The following RIF1 variants were observed in gnomAD, a reference collection of about 807,000 sequenced individuals.
RIF1 encodes replication timing regulatory factor 1, also known as telomere-associated protein RIF1.
Under a neutral mutation model 247.1 loss-of-function variants are expected in RIF1, and 45 were observed. The observed-to-expected ratio is 0.18, with a 90% CI of 0.14 to 0.23. The LOEUF is 0.23. Ranked by LOEUF, RIF1 falls within the 10% of genes least tolerant of loss-of-function variation. RIF1 has a pLI of 1.00. For synonymous variants in RIF1, 1,087 were observed against 978.8 expected, an observed-to-expected ratio of 1.11 and a Z score of -2.06; for missense variants, 2,967 against 2,862.5, an observed-to-expected ratio of 1.04 and a Z score of -0.83.
the RIF1 span, among the ~76,000 whole-genome samples, chr2:151,520,866 AAAAT>A: frequency 1.5e-5 from 2 of 133,030 alleles, no homozygotes; most frequent in East Asian, 1.9e-4. Context: ...CCTGTCTCAC[AAAAT>A]AAATAAGAGG....
At chr2:151,461,316 G>A (rs201028450) in intron 27 of RIF1, 27 bp downstream of exon 27, 11 of 1,602,134 alleles carry the variant, frequency 6.9e-6, no homozygotes, top group African/African-American at 1.3e-5. Flanking sequence ...TCTTGAGTTG[G>A]GTATTTGGTA....
chr2:151,411,144 T>C, intron 2 of RIF1, 116 bp from the exon 3 acceptor site: 1 of 664,084 alleles, frequency 1.5e-6, no homozygotes, highest in Non-Finnish European at 2.7e-6. Flanking sequence ...ACCTACTGGG[T>C]CAATTCATTT....
intron 25 of RIF1, among the ~76,000 whole-genome samples, chr2:151,459,183 A>C (rs1695722251): frequency 6.6e-6 from 1 of 152,190 alleles, no homozygotes; most frequent in African/African-American, 2.4e-5. Flanking sequence ...TGCTTTGGAA[A>C]AACTGGAAAT....
At chr2:151,412,190 CCTGA>C (rs1686355202) in intron 3 of RIF1, among the ~76,000 whole-genome samples, 1 of 152,084 alleles carries the variant, frequency 6.6e-6, no homozygotes, top group Non-Finnish European at 1.5e-5. Flanking sequence ...TTAATGGCTT[CCTGA>C]CTATCCTTAA....
At position 151,493,866 on chromosome 2, in the gene RIF1, A is replaced by T. The variant is rs2058367552; in HGVS notation, c.*416-1363A>T. 1 of 1,539,592 alleles carries T rather than the reference A, an allele frequency of 6.5e-7. No homozygotes were observed. On this transcript the variant is annotated intron_variant and NMD_transcript_variant, in intron 9 of 13. Coordinates refer to the RIF1 transcript ENST00000454583. ...TTTCCCCAGGTTCTCTTTGTATAAC[A>T]CCTGTGAGATACAAAGTCATGCCCG...
At chr2:151,519,335 G>A in the RIF1 span, among the ~76,000 whole-genome samples, 1 of 152,164 alleles carries the variant, frequency 6.6e-6, no homozygotes, top group East Asian at 1.9e-4. Context: ...AACATGGATG[G>A]ACCTTGAACA....
At position 151,465,093 on chromosome 2, in the gene RIF1, A is replaced by G; in HGVS notation, c.5573A>G (p.Asn1858Ser). 1 of 1,602,998 alleles carries G rather than the reference A, an allele frequency of 6.2e-7. No homozygotes were observed. Among genetic ancestry groups the G allele is most frequent in the Non-Finnish European group, 8.5e-7 (1 of 1,177,464 alleles). Residue 1858 changes from asparagine to serine, a missense_variant, in exon 30 of 36, where the codon AAT becomes AGT. Asn to Ser is a conservative substitution (Grantham distance 46). This residue lies in a region of RIF1 where 2,028 missense variants were observed against 1,825.6 expected (regional missense o/e 1.11). Transcript: ENST00000444746. ...SLESQESPNE[N>S]FKTVGPCLGD... ...GAAAGCCAGGAGTCACCTAATGAAA[A>G]TTTTAAAACTGTTGGCCCGTGTTTA... is the stretch of plus-strand genomic sequence containing the variant.
chr2:151,442,097 C>T (rs1385487813), intron 16 of RIF1, 106 bp downstream of exon 16: 3 of 63,180 alleles, frequency 4.7e-5, no homozygotes, highest in African/African-American at 1.3e-4. Context: ...ATTTTTGAGA[C>T]GGAGTTTTGC....
At chr2:151,437,688 T>TA (rs1691493461) in intron 13 of RIF1, among the ~76,000 whole-genome samples, 1 of 152,172 alleles carries the variant, frequency 6.6e-6, no homozygotes, top group Admixed American at 6.6e-5. Flanking sequence ...AAGACTCTAT[T>TA]AAAAAATAAA....
In RIF1 at chr2:151,456,770, T is replaced by C; in HGVS notation, c.2652+150T>C. ...TCCTGGAGACAGCATTTTGCTCTTG[T>C]CACCCAAGCTGGAGTGCAGTGGCAG... On this transcript the variant is annotated intron_variant, in intron 23 of 35. Transcript: ENST00000444746. 1.2e-5 allele frequency: 6 copies of C among 511,878 alleles called. No individual in the cohort carries two copies. In the South Asian group the frequency reaches 1.6e-4, roughly 14 times the overall value. 31.7% of individuals were successfully genotyped at this position (511,878 alleles called of 1,614,324 possible).
At position 151,463,385 on chromosome 2, in the gene RIF1, C is replaced by A; in HGVS notation, c.3865C>A (p.Arg1289=). Residue 1289 remains arginine (R), a synonymous_variant, in exon 30 of 36, where the codon CGG becomes AGG. Transcript: ENST00000444746. ...AGTGAATGGAACTAAGAGATCAAGC[C>A]GGAGAGCTGGTAAAGCTGAACAAAC... ...KIVNGTKRSS[R]RAGKAEQTGN... The A allele has an allele frequency of 6.2e-7, 1 of 1,613,878 alleles. No homozygotes were observed. The highest frequency in any genetic ancestry group is 1.1e-5 in the South Asian group (1 of 91,040).
intron 3 of RIF1, among the ~76,000 whole-genome samples, chr2:151,414,574 AG>A (rs1232621888): frequency 2.0e-5 from 3 of 152,292 alleles, no homozygotes; most frequent in East Asian, 3.9e-4. Flanking sequence ...TTGCTTTCAT[AG>A]GTGTAGAGAT....
At position 151,465,824 on chromosome 2, in the gene RIF1, CAAATG is replaced by C; in HGVS notation, c.6305_6309del (p.Gln2102ArgfsTer5). The C allele has an allele frequency of 6.2e-7, 1 of 1,613,038 alleles. No individual in the cohort carries two copies. Among genetic ancestry groups the C allele is most frequent in the Non-Finnish European group, 8.5e-7 (1 of 1,179,110 alleles). On this transcript the variant is annotated frameshift_variant, in exon 30 of 36. Coordinates refer to ENST00000444746, the MANE Select transcript of RIF1 (RefSeq NM_018151.5). LOFTEE classifies it high-confidence loss of function. The stretch of plus-strand genomic sequence containing the variant: ...ATCTGAAGAAAAATTAGATAACAAT[CAAATG>C]GTAATGGAAAGTGATATTTTACAGG...
chr2:151,519,829 A>G, the RIF1 span: 1 of 1,121,422 alleles, frequency 8.9e-7, no homozygotes, highest in Non-Finnish European at 1.4e-6. Flanking sequence ...GGAATTGGGG[A>G]ATAGTAGAAA....
In RIF1 at chr2:151,465,715, C is replaced by G. The variant is rs1324033767; in HGVS notation, c.6195C>G (p.Asn2065Lys). Residue 2065 changes from asparagine to lysine, a missense_variant, in exon 30 of 36, where the codon AAC becomes AAG. Around this residue, in one of 7 missense-constraint regions of RIF1, gnomAD observed 2,028 missense variants for 1,825.6 expected, o/e 1.11. Coordinates refer to ENST00000444746, the MANE Select transcript of RIF1 (RefSeq NM_018151.5). Reference protein sequence around the residue: ...ETNMLTAEMDNFVCDTVEMST... With the variant: ...ETNMLTAEMDKFVCDTVEMST... ...ACATGTTGACTGCAGAAATGGACAA[C>G]TTTGTTTGTGACACAGTTGAAATGA... 1 of 1,614,172 alleles carries G rather than the reference C, an allele frequency of 6.2e-7. No individual in the cohort carries two copies. Among genetic ancestry groups the G allele is most frequent in the South Asian group, 1.1e-5 (1 of 91,084 alleles).
intron 9 of RIF1, among the ~76,000 whole-genome samples, chr2:151,488,381 T>A (rs1462612706): frequency 6.6e-6 from 1 of 151,648 alleles, no homozygotes; most frequent in Non-Finnish European, 1.5e-5. Flanking sequence ...GCTGAGTGGC[T>A]GATGCCTGTA....
chr2:151,450,355 A>C (rs946534616), intron 20 of RIF1, among the ~76,000 whole-genome samples: 4 of 152,142 alleles, frequency 2.6e-5, no homozygotes, highest in African/African-American at 9.7e-5. Context: ...TTTATTTATA[A>C]GACACTTGGG....
chr2:151,529,399 A>C, the RIF1 span: 17 of 872,924 alleles, frequency 1.9e-5, no homozygotes, highest in African/African-American at 2.5e-4. Flanking sequence ...AAATCCATGC[A>C]TGACTATAGT....
At chr2:151,526,211 G>A in the RIF1 span, 18 of 1,613,846 alleles carry the variant, frequency 1.1e-5, no homozygotes, top group Non-Finnish European at 1.5e-5. Context: ...GGCGTGTCAG[G>A]TACGGCATGG....
Sources: allele counts gnomAD v4.1 joint callset (sites outside exome capture counted in the v4.1 genomes callset), GRCh38; gene constraint gnomAD v4.1.1; regional missense constraint gnomAD v4.1.1; transcripts MANE v1.5; gene names NCBI Gene and HGNC (gene_info 2026-07-23, HGNC 2026-07-21).